AZI2: variants seen among roughly 807,000 people sequenced by gnomAD.
AZI2 encodes the protein 5-azacytidine induced 2.
In AZI2, 22 loss-of-function variants were observed where a neutral mutation model predicts 45.8. The ratio of observed to expected loss-of-function variants is 0.48; its 90% confidence interval spans 0.34 to 0.69. The LOEUF (loss-of-function observed/expected upper bound fraction) is 0.69. Ranked by LOEUF, AZI2 falls within the 30% of genes least tolerant of loss-of-function variation. AZI2 has a pLI of 0.01. For synonymous variants in AZI2, 137 were observed against 156.7 expected, an observed-to-expected ratio of 0.87 and a Z score of 0.94; for missense variants, 417 against 441.5, an observed-to-expected ratio of 0.94 and a Z score of 0.50.
intron 5 of AZI2, among the ~76,000 whole-genome samples, chr3:28,334,062 AAAGGC>A (rs750432249): frequency 5.9e-5 from 9 of 151,468 alleles, no homozygotes; most frequent in Non-Finnish European, 1.2e-4. Flanking sequence ...AGAAAGTCTA[AAAGGC>A]CCATAGTGGA....
chr3:28,341,128 T>C (rs1282898474), intron 1 of AZI2, among the ~76,000 whole-genome samples: 2 of 152,092 alleles, frequency 1.3e-5, no homozygotes, highest in African/African-American at 4.8e-5. Flanking sequence ...GCATACTCTA[T>C]CTTTCCATAC....
intron 4 of AZI2, among the ~76,000 whole-genome samples, chr3:28,337,300 G>A (rs930463513): frequency 1.3e-5 from 2 of 152,078 alleles, no homozygotes; most frequent in African/African-American, 4.8e-5. Flanking sequence ...ACATTCCACT[G>A]CAGAAACTCA....
rs1703190214 is a variant in AZI2 at position 28,321,554 on chromosome 3, C to A, written c.*2488G>T. 1.3e-5 allele frequency: 2 copies of A among 151,456 alleles called. No individual in the cohort carries two copies. Among genetic ancestry groups the A allele is most frequent in the Middle Eastern group, 3.4e-3 (1 of 292 alleles). The allele number at this position is 151,456 out of a possible 1,614,324, so 9.4% of individuals were successfully genotyped here. A position where few individuals can be genotyped will look rare whatever the true frequency, so the allele number is the denominator to read the frequency against. On this transcript the variant is annotated 3_prime_UTR_variant, in exon 8 of 8. Coordinates refer to ENST00000479665, the MANE Select transcript of AZI2 (RefSeq NM_022461.5). ...CCTGGTACATCTGTCTCAGTTGTGT[C>A]TTGCTTGCTTATGGGTGCCTCTGTT...
intron 6 of AZI2, among the ~76,000 whole-genome samples, chr3:28,329,567 T>C (rs1004904858): frequency 2.0e-5 from 3 of 151,278 alleles, no homozygotes; most frequent in Non-Finnish European, 3.0e-5. Flanking sequence ...ACACTATATA[T>C]GGAACTCTTT....
intron 5 of AZI2, among the ~76,000 whole-genome samples, chr3:28,332,945 A>G (rs1461171857): frequency 6.6e-6 from 1 of 151,830 alleles, no homozygotes; most frequent in Non-Finnish European, 1.5e-5. Context: ...CAAGGACATC[A>G]TAAAGTCCTT....
intron 1 of AZI2, chr3:28,341,503 G>A (rs975937259): frequency 3.9e-5 from 6 of 152,008 alleles, no homozygotes; most frequent in Non-Finnish European, 7.4e-5. Flanking sequence ...TAAGAGAAGA[G>A]CTCGTTACCT....
intron 6 of AZI2, chr3:28,331,935 C>T: frequency 6.5e-7 from 1 of 1,541,884 alleles, no homozygotes; most frequent in Non-Finnish European, 8.8e-7. Context: ...GCACTCCAGG[C>T]TGTGCTACAG....
intron 1 of AZI2, among the ~76,000 whole-genome samples, chr3:28,347,047 TTTTCATCCC>T (rs1307660649): frequency 1.3e-5 from 2 of 152,190 alleles, no homozygotes; most frequent in African/African-American, 2.4e-5. Context: ...AGTCTACTTC[TTTTCATCCC>T]TTTCATACAG....
At chr3:28,330,084 G>C (rs1272726189) in intron 6 of AZI2, among the ~76,000 whole-genome samples, 1 of 151,208 alleles carries the variant, frequency 6.6e-6, no homozygotes, top group Non-Finnish European at 1.5e-5. Flanking sequence ...GTTTACAGAT[G>C]ATGAGCAAAA....
Position 28,338,588 on chromosome 3 carries a change from T to C in AZI2, c.244A>G (p.Ser82Gly). The change falls in exon 3 of 8, where the codon AGT becomes GGT. Residue 82 changes from serine (S) to glycine (G), a missense_variant. By Grantham distance (56) the Ser-to-Gly change is moderately conservative. Transcript: ENST00000479665. ...KLIARFEEET[S>G]SVGREQVNKA... ...TTTACTTGTTCTCGTCCCACGGAAC[T>C]TGTTTCTTCTTCAAATCGAGCTATT... The C allele has an allele frequency of 6.2e-7, 1 of 1,610,628 alleles. No homozygotes were observed. Among genetic ancestry groups the C allele is most frequent in the Non-Finnish European group, 8.5e-7 (1 of 1,178,244 alleles).
intron 6 of AZI2, among the ~76,000 whole-genome samples, chr3:28,330,682 C>G (rs1028081610): frequency 6.6e-6 from 1 of 151,236 alleles, no homozygotes; most frequent in African/African-American, 2.4e-5. Flanking sequence ...TAGTACATAA[C>G]CAGAAGAGAG....
In AZI2 at chr3:28,326,851, G is replaced by A; in HGVS notation, c.747C>T (p.Thr249=). 6.2e-7 allele frequency: 1 copy of A among 1,607,784 alleles called. No homozygotes were observed. Among genetic ancestry groups the A allele is most frequent in the Non-Finnish European group, 8.5e-7 (1 of 1,175,302 alleles). ...ACTTGCCTTTCTTGATTGCAGTTGA[G>A]GTTTTCAGTTTTCTTAGTAGTTCAG... ...VQAELLRKLK[T]STAIKKACAP... Residue 249 remains threonine (T), a synonymous_variant, in exon 7 of 8, where the codon ACC becomes ACT. Transcript: ENST00000479665.
At chr3:28,326,026 T>C (rs183441309) in intron 7 of AZI2, among the ~76,000 whole-genome samples, 1 of 151,258 alleles carries the variant, frequency 6.6e-6, no homozygotes, top group African/African-American at 2.4e-5. Context: ...ATGTGAAATA[T>C]AAATAAGTAA....
intron 6 of AZI2, among the ~76,000 whole-genome samples, chr3:28,329,774 C>T (rs935560527): frequency 2.6e-5 from 4 of 151,074 alleles, no homozygotes; most frequent in Admixed American, 6.6e-5. Context: ...ACTGCGGTTC[C>T]CCCCAAACAA....
intron 1 of AZI2, among the ~76,000 whole-genome samples, chr3:28,343,345 T>C (rs966435944): frequency 2.8e-4 from 42 of 151,906 alleles, no homozygotes; most frequent in Non-Finnish European, 4.7e-4. Flanking sequence ...GGGGAACAAG[T>C]TCAAAGATCT....
intron 5 of AZI2, among the ~76,000 whole-genome samples, chr3:28,336,416 T>C (rs577161337): frequency 1.3e-5 from 2 of 152,160 alleles, no homozygotes; most frequent in East Asian, 3.9e-4. Context: ...ACCTGAGTTC[T>C]CTTTAAACTT....
chr3:28,336,837 A>G lies in AZI2; in HGVS notation c.488T>C (p.Leu163Ser). The G allele has an allele frequency of 6.2e-7, 1 of 1,613,240 alleles. No homozygotes were observed. Among genetic ancestry groups the G allele is most frequent in the Non-Finnish European group, 8.5e-7 (1 of 1,179,526 alleles). The change falls in exon 5 of 8, where the codon TTG (leucine) becomes TCG (serine). Residue 163 changes from leucine (L) to serine (S), a missense_variant. Coordinates refer to ENST00000479665, the MANE Select transcript of AZI2 (RefSeq NM_022461.5). ...ACCATGGATCTTCAGGTCACAGCTCAACTTTTCCACCTCCCAGTTTGATGA... is the reference window on the plus strand; with the variant it reads ...ACCATGGATCTTCAGGTCACAGCTCGACTTTTCCACCTCCCAGTTTGATGA... ...PPSSNWEVEK[L>S]SCDLKIHGLE... is the part of the protein sequence containing the mutation.
chr3:28,336,860 T>G lies in AZI2; in HGVS notation c.465A>C (p.Ser155=), dbSNP rs759441423. Residue 155 remains serine (S), a synonymous_variant, in exon 5 of 8, where the codon TCA becomes TCC. Transcript: ENST00000479665. The part of the protein sequence containing the change: ...QQVMRNLNPP[S]SNWEVEKLSC... ...TCAACTTTTCCACCTCCCAGTTTGA[T>G]GAAGGTGGATTTAAATTCCTCATCA... 4.3e-6 allele frequency: 7 copies of G among 1,613,094 alleles called. No homozygotes were observed. In the African/African-American group the frequency reaches 9.3e-5, roughly 22 times the overall value.
chr3:28,331,971 C>CAA (rs3217694), intron 6 of AZI2: 412 of 1,376,056 alleles, frequency 3.0e-4, no homozygotes, highest in Non-Finnish European at 3.7e-4. Flanking sequence ...AAACAAAAAA[C>CAA]AAAAAAAAAT....
Sources: allele counts gnomAD v4.1 joint callset (sites outside exome capture counted in the v4.1 genomes callset), GRCh38; gene constraint gnomAD v4.1.1; transcripts MANE v1.5; gene names NCBI Gene and HGNC (gene_info 2026-07-23, HGNC 2026-07-21).